The following FRYL variants were observed in gnomAD, a reference collection of about 807,000 sequenced individuals.
The protein encoded by FRYL is FRY like transcription coactivator, also known as protein furry homolog-like.
A neutral mutation model predicts 351.2 loss-of-function variants in FRYL; 150 were observed. The observed-to-expected ratio is 0.43, with a 90% CI of 0.37 to 0.49. The LOEUF (loss-of-function observed/expected upper bound fraction) is 0.49. FRYL is among the 20% of genes least tolerant of loss of function. The pLI is 0.00. For missense variants in FRYL, 3,036 were observed against 3,619.3 expected (o/e 0.84, Z 4.13); for synonymous variants, 1,153 against 1,257.1 (o/e 0.92, Z 1.75).
At chr4:48,699,795 TCA>T (rs1766548353) in intron 2 of FRYL, among the ~76,000 whole-genome samples, 2 of 121,880 alleles carry the variant, frequency 1.6e-5, no homozygotes, top group Non-Finnish European at 3.8e-5. Flanking sequence ...GGCCCCTGGA[TCA>T]GTTTACTGGT....
chr4:48,599,473 C>T (rs1745266133), intron 13 of FRYL, among the ~76,000 whole-genome samples: 1 of 152,050 alleles, frequency 6.6e-6, no homozygotes, highest in Admixed American at 6.5e-5. Flanking sequence ...TTTTTTAAAA[C>T]TGTGCAATAT....
At chr4:48,632,192 T>A (rs1753347276) in intron 4 of FRYL, among the ~76,000 whole-genome samples, 1 of 142,016 alleles carries the variant, frequency 7.0e-6, no homozygotes, top group South Asian at 2.2e-4. Flanking sequence ...TAGGACTGTA[T>A]CACATGATAC....
At chr4:48,613,402 T>A (rs372055828) in intron 7 of FRYL, among the ~76,000 whole-genome samples, 4 of 152,152 alleles carry the variant, frequency 2.6e-5, no homozygotes, top group East Asian at 3.8e-4. Context: ...ACATATCCCC[T>A]GAGAATAAAG....
chr4:48,669,592 T>C (rs1033088292), intron 3 of FRYL, among the ~76,000 whole-genome samples: 1 of 148,950 alleles, frequency 6.7e-6, no homozygotes, highest in African/African-American at 2.4e-5. Context: ...ATATGTAAAA[T>C]TATATTAAAG....
chr4:48,535,586 TACAC>T (rs3838234), intron 48 of FRYL, 67 bp downstream of exon 48: 99 of 458,224 alleles, frequency 2.2e-4, no homozygotes, highest in South Asian at 3.0e-4. Flanking sequence ...TATATACACA[TACAC>T]ACACACACAC....
At chr4:48,582,111 T>C (rs1290873301) in intron 20 of FRYL, among the ~76,000 whole-genome samples, 2 of 152,222 alleles carry the variant, frequency 1.3e-5, no homozygotes, top group East Asian at 1.9e-4. Context: ...GCATCTTTTA[T>C]GGTTAAGGAG....
At chr4:48,599,462 AT>A (rs11293043) in intron 13 of FRYL, among the ~76,000 whole-genome samples, 143,617 of 152,286 alleles carry the variant, frequency 0.94, 67,855 homozygotes, top group South Asian at 0.98. Context: ...TAGTATGGTA[AT>A]TTTTTAAAAC....
At chr4:48,658,021 AAC>A (rs1162432477) in intron 3 of FRYL, among the ~76,000 whole-genome samples, 6 of 152,216 alleles carry the variant, frequency 3.9e-5, no homozygotes, top group Non-Finnish European at 7.3e-5. Context: ...GCACAGAGTC[AAC>A]AGAGGTACAT....
intron 1 of FRYL, among the ~76,000 whole-genome samples, chr4:48,756,726 T>G (rs886882371): frequency 2.6e-5 from 4 of 152,146 alleles, no homozygotes; most frequent in African/African-American, 4.8e-5. Context: ...GGTGGCAAGT[T>G]TGCTTGAGCT....
At chr4:48,533,513 G>GAATAA (rs369347717) in intron 49 of FRYL, among the ~76,000 whole-genome samples, 379 of 152,258 alleles carry the variant, frequency 2.5e-3, no homozygotes, top group African/African-American at 8.8e-3. Context: ...ATATGAACTA[G>GAATAA]AATAAATTCC....
chr4:48,663,199 G>A (rs535042817), intron 3 of FRYL, among the ~76,000 whole-genome samples: 9 of 152,044 alleles, frequency 5.9e-5, no homozygotes, highest in African/African-American at 2.2e-4. Context: ...ATAGCACATA[G>A]GAGGACAAAC....
chr4:48,707,259 G>A (rs1292655542), intron 2 of FRYL, among the ~76,000 whole-genome samples: 1 of 151,928 alleles, frequency 6.6e-6, no homozygotes, highest in Admixed American at 6.6e-5. Flanking sequence ...TTCTATTTCT[G>A]AGTATATACC....
intron 4 of FRYL, among the ~76,000 whole-genome samples, chr4:48,632,376 T>C (rs893092662): frequency 6.7e-6 from 1 of 150,220 alleles, no homozygotes. Context: ...GTTCCCTTAC[T>C]GTATGCTGTT....
chr4:48,655,412 A>C (rs1758626939), intron 3 of FRYL, among the ~76,000 whole-genome samples: 1 of 152,060 alleles, frequency 6.6e-6, no homozygotes, highest in Non-Finnish European at 1.5e-5. Context: ...TAAGATGCTG[A>C]ATGAAAAAAG....
chr4:48,532,217 C>T (rs1727812677), intron 49 of FRYL, among the ~76,000 whole-genome samples: 1 of 118,912 alleles, frequency 8.4e-6, no homozygotes, highest in Admixed American at 7.6e-5. Flanking sequence ...CATTAAGACA[C>T]CAAAAAAGGA....
intron 58 of FRYL, 62 bp from the exon 59 acceptor site, chr4:48,510,219 A>T: frequency 8.3e-7 from 1 of 1,208,938 alleles, no homozygotes; most frequent in Non-Finnish European, 1.2e-6. Context: ...AGACTCACAA[A>T]ATCATGAGAC....
chr4:48,563,807 T>A, intron 31 of FRYL, 141 bp downstream of exon 31: 3 of 789,622 alleles, frequency 3.8e-6, no homozygotes, highest in Non-Finnish European at 6.0e-6. Context: ...GATTTTGGGA[T>A]CTGAGAGGGG....
At chr4:48,504,082 T>C (rs1720350285) in intron 60 of FRYL, among the ~76,000 whole-genome samples, 2 of 152,246 alleles carry the variant, frequency 1.3e-5, no homozygotes, top group South Asian at 4.1e-4. Flanking sequence ...CAGCAATTAC[T>C]CTAAATATGC....
In FRYL at chr4:48,551,581, G is replaced by GTA; in HGVS notation, c.4436-5_4436-4dup. The GTA allele has an allele frequency of 6.3e-7, 1 of 1,594,546 alleles. No individual in the cohort carries two copies. Among genetic ancestry groups the GTA allele is most frequent in the Non-Finnish European group, 8.6e-7 (1 of 1,163,038 alleles). On this transcript the variant is annotated splice_region_variant and splice_polypyrimidine_tract_variant and intron_variant, in intron 36 of 63. Coordinates refer to ENST00000358350, the MANE Select transcript of FRYL (RefSeq NM_015030.2). ...TGTATTGCTACTGGAAGTAGTTCCT[G>GTA]TAATCAAAGACAAAGCAGTACTCGT...
Sources: allele counts gnomAD v4.1 joint callset (sites outside exome capture counted in the v4.1 genomes callset), GRCh38; gene constraint gnomAD v4.1.1; transcripts MANE v1.5; gene names NCBI Gene and HGNC (gene_info 2026-07-23, HGNC 2026-07-21).